Variants in KIF18A observed in about 807,000 individuals in gnomAD.
The protein encoded by KIF18A is kinesin family member 18A.
A neutral mutation model predicts 103.3 loss-of-function variants in KIF18A; 67 were observed. The ratio of observed to expected loss-of-function variants is 0.65; its 90% confidence interval spans 0.53 to 0.79. KIF18A has a LOEUF of 0.79. Among genes scored for constraint, KIF18A ranks in the 30% least tolerant of loss-of-function variants. The pLI is 0.00. For missense variants in KIF18A, 1,032 were observed against 1,062.5 expected, an observed-to-expected ratio of 0.97 and a Z score of 0.40; for synonymous variants, 367 against 355.5, an observed-to-expected ratio of 1.03 and a Z score of -0.36.
At chr11:28,079,836 C>T (rs1009959229) in intron 9 of KIF18A, among the ~76,000 whole-genome samples, 1 of 151,996 alleles carries the variant, frequency 6.6e-6, no homozygotes, top group African/African-American at 2.4e-5. Flanking sequence ...ACATCTTGAT[C>T]CAGTGTCTCA....
chr11:28,055,738 A>G (rs1850772155), intron 13 of KIF18A, among the ~76,000 whole-genome samples: 1 of 152,188 alleles, frequency 6.6e-6, no homozygotes, highest in African/African-American at 2.4e-5. Flanking sequence ...GATATTTAAT[A>G]TCATGATCAG....
intron 10 of KIF18A, among the ~76,000 whole-genome samples, 176 bp from the exon 11 acceptor site, chr11:28,069,599 A>T (rs1850983592): frequency 6.6e-6 from 1 of 152,162 alleles, no homozygotes; most frequent in Non-Finnish European, 1.5e-5. Flanking sequence ...CTTGCAAGAA[A>T]ATAGGAAATT....
At chr11:28,021,950 C>G (rs1850251070) in intron 16 of KIF18A, among the ~76,000 whole-genome samples, 1 of 152,182 alleles carries the variant, frequency 6.6e-6, no homozygotes, top group Admixed American at 6.5e-5. Context: ...TCCCTTAACA[C>G]TCTCTGTTAT....
chr11:28,107,689 C>G (rs1192614966), intron 1 of KIF18A, among the ~76,000 whole-genome samples: 2 of 152,144 alleles, frequency 1.3e-5, no homozygotes, highest in Admixed American at 6.6e-5. Flanking sequence ...ATATGTGAGT[C>G]TGAAACAAAA....
intron 15 of KIF18A, among the ~76,000 whole-genome samples, chr11:28,031,742 C>T (rs1850413000): frequency 6.6e-6 from 1 of 151,010 alleles, no homozygotes; most frequent in African/African-American, 2.4e-5. Flanking sequence ...CGATAAAAGC[C>T]ATACACGACA....
At chr11:28,066,399 A>G (rs1272049886) in intron 11 of KIF18A, among the ~76,000 whole-genome samples, 1 of 152,022 alleles carries the variant, frequency 6.6e-6, no homozygotes, top group African/African-American at 2.4e-5. Context: ...AGGCACTGTG[A>G]TAGAGCCTGT....
intron 15 of KIF18A, among the ~76,000 whole-genome samples, chr11:28,024,768 G>A (rs1317462254): frequency 1.3e-5 from 2 of 151,848 alleles, no homozygotes; most frequent in Non-Finnish European, 2.9e-5. Context: ...GGATTGGGGG[G>A]GGTTGGGTGG....
At position 28,092,737 on chromosome 11, in the gene KIF18A, AT is replaced by A. The variant is rs372997014; in HGVS notation, c.484-1225del. On this transcript the variant is annotated intron_variant, in intron 3 of 16. Coordinates refer to ENST00000263181, the MANE Select transcript of KIF18A (RefSeq NM_031217.4). ...CCTTCTGTGTTCTAATAAGTAGCTCATAGTGATAATTCATTGCTGGTACAAT... is the reference window on the plus strand; with the variant it reads ...CCTTCTGTGTTCTAATAAGTAGCTCAAGTGATAATTCATTGCTGGTACAAT... Among the ~76,000 whole-genome samples the A allele has an allele frequency of 1.3e-3, 204 of 152,344 alleles. 1 individual carries two copies. Among genetic ancestry groups the A allele is most frequent in the African/African-American group, 4.7e-3 (194 of 41,580 alleles).
chr11:28,033,440 C>T (rs1850437446), intron 15 of KIF18A, among the ~76,000 whole-genome samples: 1 of 151,220 alleles, frequency 6.6e-6, no homozygotes, highest in African/African-American at 2.4e-5. Context: ...TCACAATAGC[C>T]AAGATTTGGA....
chr11:28,024,632 GCTATAGATT>G lies in KIF18A; in HGVS notation c.2505-791_2505-783del, dbSNP rs1365464053. On this transcript the variant is annotated intron_variant, in intron 15 of 16. Transcript: ENST00000263181. ...TGCCAAGGTTTCCATAATACAAGGA[GCTATAGATT>G]CTTGAGTGTAGAGTAAGAAAGAATA... Among the ~76,000 whole-genome samples the G allele has an allele frequency of 3.3e-5, 5 of 152,220 alleles. No individual in the cohort carries two copies. In the East Asian group the frequency reaches 9.7e-4, roughly 29 times the overall value.
At chr11:28,021,867 C>T (rs956719971) in intron 16 of KIF18A, among the ~76,000 whole-genome samples, 7 of 152,120 alleles carry the variant, frequency 4.6e-5, no homozygotes, top group Admixed American at 6.5e-5. Flanking sequence ...GTGCCATTGA[C>T]TTTTTTCAGG....
In KIF18A at chr11:28,082,860, C is replaced by A; in HGVS notation, c.1258G>T (p.Glu420Ter). 1.3e-6 allele frequency: 2 copies of A among 1,559,608 alleles called. No homozygotes were observed. Among genetic ancestry groups the A allele is most frequent in the Non-Finnish European group, 1.8e-6 (2 of 1,141,524 alleles). ...MISNPQEKEIERFQEILNCLF... is the reference protein window; with the variant it reads ...MISNPQEKEI Reference sequence around the variant, plus strand: ...AGATCTTAATGTAATGTTTACCTTTCGATTTCTTTTTCCTGAGGGTTTGAA... The same window carrying A: ...AGATCTTAATGTAATGTTTACCTTTAGATTTCTTTTTCCTGAGGGTTTGAA... The change falls in exon 9 of 17, where the codon GAA (glutamate) becomes TAA (stop). Residue 420 changes from glutamate (E) to a stop codon, truncating the protein, a stop_gained. Coordinates refer to ENST00000263181, the MANE Select transcript of KIF18A (RefSeq NM_031217.4). LOFTEE classifies it high-confidence loss of function.
At chr11:28,039,711 G>C (rs573818518) in intron 13 of KIF18A, among the ~76,000 whole-genome samples, 22 of 151,792 alleles carry the variant, frequency 1.4e-4, no homozygotes, top group African/African-American at 5.1e-4. Flanking sequence ...TCAGTAAAAG[G>C]AATAGTGGTG....
rs778157242 is a variant in KIF18A, at chr11:28,083,198, C to T, written c.1120G>A (p.Val374Ile). Reference sequence around the variant, plus strand: ...GCCTTCTGCTCATTACAGATCTTTACATATTGAGTTATATGATTATTGACA... The same window carrying T: ...GCCTTCTGCTCATTACAGATCTTTATATATTGAGTTATATGATTATTGACA... ...LNVNNHITQY[V>I]KICNEQKAEI... is the part of the protein sequence containing the mutation. The change falls in exon 8 of 17, where the codon GTA becomes ATA. Residue 374 changes from valine (V) to isoleucine (I), a missense_variant. By Grantham distance (29) the Val-to-Ile change is conservative. Coordinates refer to ENST00000263181, the MANE Select transcript of KIF18A (RefSeq NM_031217.4). The T allele has an allele frequency of 5.2e-5, 82 of 1,567,858 alleles. No individual in the cohort carries two copies. Among genetic ancestry groups the T allele is most frequent in the Non-Finnish European group, 6.9e-5 (80 of 1,166,724 alleles).
chr11:28,058,861 T>C, intron 13 of KIF18A, 65 bp downstream of exon 13: 2 of 1,177,980 alleles, frequency 1.7e-6, no homozygotes, highest in Non-Finnish European at 2.5e-6. Flanking sequence ...GTTCTATAGA[T>C]TGATATACAA....
rs1399117921 is a variant in KIF18A, at chr11:28,028,579, A to C, written c.2505-4729T>G. Among the ~76,000 whole-genome samples the C allele has an allele frequency of 3.3e-5, 5 of 152,314 alleles. No individual in the cohort carries two copies. In the South Asian group the frequency reaches 6.2e-4, roughly 19 times the overall value. On this transcript the variant is annotated intron_variant, in intron 15 of 16. Transcript: ENST00000263181. ...TAAATGCCCACAAGAGAAAGCAGGA[A>C]AGATCTAAAATTGACACCCTAACAT... is the stretch of plus-strand genomic sequence containing the variant.
intron 14 of KIF18A, among the ~76,000 whole-genome samples, chr11:28,035,721 T>G (rs543494885): frequency 3.3e-5 from 5 of 151,530 alleles, no homozygotes; most frequent in Non-Finnish European, 7.4e-5. Context: ...TGGCATAGAA[T>G]AGTGAAGGTA....
chr11:28,040,456 G>A (rs1850544368), intron 13 of KIF18A, among the ~76,000 whole-genome samples: 1 of 151,686 alleles, frequency 6.6e-6, no homozygotes, highest in Non-Finnish European at 1.5e-5. Context: ...TAGAGTAGAA[G>A]TGATAAGAAG....
intron 15 of KIF18A, among the ~76,000 whole-genome samples, chr11:28,032,664 T>C (rs1266114988): frequency 6.6e-6 from 1 of 151,940 alleles, no homozygotes; most frequent in Non-Finnish European, 1.5e-5. Flanking sequence ...TGTTTATCCA[T>C]ATGCAGAAGA....
Sources: gnomAD v4.1 joint callset for allele counts (sites outside exome capture counted in the v4.1 genomes callset) on GRCh38, gnomAD v4.1.1 for gene constraint, MANE v1.5 for transcripts, NCBI Gene and HGNC (gene_info 2026-07-23, HGNC 2026-07-21) for gene names.